HNRNPA3: variants seen among roughly 807,000 people sequenced by gnomAD.
The protein encoded by HNRNPA3 is heterogeneous nuclear ribonucleoprotein A3.
HNRNPA3 carries 3 observed loss-of-function variants against 45.8 expected under a neutral mutation model. The observed-to-expected ratio is 0.07, with a 90% CI of 0.03 to 0.17. HNRNPA3 has a LOEUF of 0.17. Among genes scored for constraint, HNRNPA3 ranks in the 10% least tolerant of loss-of-function variants. HNRNPA3 has a pLI of 1.00. For missense variants in HNRNPA3, 183 were observed against 480.3 expected, an observed-to-expected ratio of 0.38 and a Z score of 5.79; for synonymous variants, 170 against 155.6, an observed-to-expected ratio of 1.09 and a Z score of -0.69.
intron 8 of HNRNPA3, among the ~76,000 whole-genome samples, chr2:177,218,580 G>T (rs1303455673): frequency 6.6e-6 from 1 of 152,182 alleles, no homozygotes; most frequent in Non-Finnish European, 1.5e-5. Flanking sequence ...AAAGTACTTT[G>T]GGTCTTAATA....
In HNRNPA3 at chr2:177,216,785, C is replaced by T; in HGVS notation, c.739+14C>T. Reference sequence around the variant, plus strand: ...TTGGTGGAAGAGGTAGGCTGTTTATCTTCTAAGTACATGGATACCTGACAT... The same window carrying T: ...TTGGTGGAAGAGGTAGGCTGTTTATTTTCTAAGTACATGGATACCTGACAT... On this transcript the variant is annotated intron_variant, in intron 6 of 10. Transcript: ENST00000392524. The T allele has an allele frequency of 1.9e-6, 3 of 1,614,016 alleles. No homozygotes were observed. The highest frequency in any genetic ancestry group is 2.5e-6 in the Non-Finnish European group (3 of 1,179,960).
downstream of HNRNPA3, chr2:177,223,126 C>T (rs1294727076): frequency 6.6e-6 from 1 of 152,292 alleles, no homozygotes; most frequent in Non-Finnish European, 1.5e-5. Flanking sequence ...ATTATCAATT[C>T]CCTACATGAA....
downstream of HNRNPA3, chr2:177,222,977 A>T (rs1234639146): frequency 6.6e-6 from 1 of 152,606 alleles, no homozygotes; most frequent in Non-Finnish European, 1.5e-5. Flanking sequence ...AAGAACACTG[A>T]ATTACCGTTC....
At position 177,213,846 on chromosome 2, in the gene HNRNPA3, A is replaced by G. The variant is rs368853633; in HGVS notation, c.72+975A>G. Among the ~76,000 whole-genome samples, 6 of 152,326 alleles carry G rather than the reference A, an allele frequency of 3.9e-5. No homozygotes were observed. The East Asian group carries it at 5.8e-4, about 15-fold the overall frequency. On this transcript the variant is annotated intron_variant, in intron 1 of 10. Coordinates refer to ENST00000392524, the Ensembl canonical transcript of HNRNPA3. ...TTAGAGGACTGCAACCAGAGTTGAA[A>G]TTTTCACGTTTTTGCAGTACATTTA...
chr2:177,215,090 G>C (rs952192735), intron 1 of HNRNPA3, among the ~76,000 whole-genome samples: 1 of 152,064 alleles, frequency 6.6e-6, no homozygotes, highest in Non-Finnish European at 1.5e-5. Flanking sequence ...TCTTATTTCT[G>C]GTCAAAGTTT....
At chr2:177,213,810 T>C (rs1688799157) in intron 1 of HNRNPA3, among the ~76,000 whole-genome samples, 1 of 152,264 alleles carries the variant, frequency 6.6e-6, no homozygotes, top group Admixed American at 6.5e-5. Context: ...TGTAGTTTCC[T>C]GGAATTTTAT....
At chr2:177,219,476 G>A (rs977470934) in exon 11 of HNRNPA3, 13 of 535,418 alleles carry the variant, frequency 2.4e-5, no homozygotes, top group Non-Finnish European at 4.2e-5. Context: ...TGAGACAGTC[G>A]TCCCAAATGC....
At position 177,216,489 on chromosome 2, in the gene HNRNPA3, GAAA is replaced by G; in HGVS notation, c.554-8_554-6del. 6.3e-7 allele frequency: 1 copy of G among 1,598,896 alleles called. No individual in the cohort carries two copies. Among genetic ancestry groups the G allele is most frequent in the Non-Finnish European group, 8.6e-7 (1 of 1,168,846 alleles). On this transcript the variant is annotated splice_polypyrimidine_tract_variant and intron_variant, in intron 4 of 10. Transcript: ENST00000392524. ...AAATAACTTTTTGTTTTGTTTGATT[GAAA>G]AAAAATTTAGTTCAGAAATACCACA...
At chr2:177,217,325 A>G (rs1446603314) in intron 7 of HNRNPA3, among the ~76,000 whole-genome samples, 1 of 152,238 alleles carries the variant, frequency 6.6e-6, no homozygotes, top group Non-Finnish European at 1.5e-5. Context: ...TGCTAAATCA[A>G]TTCATTGGCT....
chr2:177,218,795 G>A (rs1170299880), intron 8 of HNRNPA3, among the ~76,000 whole-genome samples: 1 of 152,200 alleles, frequency 6.6e-6, no homozygotes, highest in African/African-American at 2.4e-5. Context: ...ATAGTGAATG[G>A]AACACTGGCA....
At chr2:177,214,004 T>C (rs187509715) in intron 1 of HNRNPA3, among the ~76,000 whole-genome samples, 2 of 152,358 alleles carry the variant, frequency 1.3e-5, no homozygotes, top group African/African-American at 4.8e-5. Flanking sequence ...TGACAATCTC[T>C]TCACATTAAA....
chr2:177,216,175 T>C, exon 4 of HNRNPA3: 1 of 1,574,812 alleles, frequency 6.3e-7, no homozygotes, highest in Non-Finnish European at 8.6e-7. Context: ...ATGATACAGT[T>C]GATAAAATTG....
chr2:177,221,099 C>T (rs8470), downstream of HNRNPA3: 106,157 of 152,518 alleles, frequency 0.7, 39,005 homozygotes, highest in South Asian at 0.84. Context: ...GGTCTTCACA[C>T]ATACTGCAGT....
At chr2:177,218,671 T>A (rs962279714) in intron 8 of HNRNPA3, among the ~76,000 whole-genome samples, 5 of 152,214 alleles carry the variant, frequency 3.3e-5, no homozygotes, top group African/African-American at 7.2e-5. Context: ...AAAAGCTTTC[T>A]TAGGAATGCA....
chr2:177,213,095 G>T (rs1688752150), intron 1 of HNRNPA3, among the ~76,000 whole-genome samples: 1 of 152,190 alleles, frequency 6.6e-6, no homozygotes, highest in Admixed American at 6.5e-5. Flanking sequence ...GGCGCGGCTT[G>T]GTCGGGGAGG....
At chr2:177,217,312 G>A (rs1300482152) in intron 7 of HNRNPA3, among the ~76,000 whole-genome samples, 1 of 152,234 alleles carries the variant, frequency 6.6e-6, no homozygotes, top group African/African-American at 2.4e-5. Context: ...CCAGGCTTCA[G>A]AGTGCTAAAT....
chr2:177,221,797 G>A (rs1683096899), downstream of HNRNPA3: 1 of 152,666 alleles, frequency 6.6e-6, no homozygotes, highest in Admixed American at 6.5e-5. Flanking sequence ...GAAGGCATAA[G>A]ATACTATGAT....
downstream of HNRNPA3, chr2:177,221,026 T>A (rs1689168868): frequency 6.6e-6 from 1 of 152,612 alleles, no homozygotes; most frequent in African/African-American, 2.4e-5. Context: ...TGCTCTCTTG[T>A]TGCTCTAATT....
downstream of HNRNPA3, chr2:177,223,706 CTAAA>C (rs1412097005): frequency 2.6e-5 from 4 of 152,242 alleles, no homozygotes; most frequent in African/African-American, 2.4e-5. Context: ...GTTAGCCTAT[CTAAA>C]TATTCAAAAT....
Sources: allele counts gnomAD v4.1 joint callset (sites outside exome capture counted in the v4.1 genomes callset), GRCh38; gene constraint gnomAD v4.1.1; transcripts MANE v1.5; gene names NCBI Gene and HGNC (gene_info 2026-07-23, HGNC 2026-07-21).